KCNIP3: variants seen among roughly 807,000 people sequenced by gnomAD.
KCNIP3 encodes the protein potassium voltage-gated channel interacting protein 3, also known as calsenilin.
KCNIP3 carries 28 observed loss-of-function variants against 35.0 expected under a neutral mutation model. The observed-to-expected ratio is 0.80, with a 90% CI of 0.59 to 1.10. The LOEUF (loss-of-function observed/expected upper bound fraction) is 1.10, where lower values mean the gene tolerates loss of function less well. Among genes scored for constraint, KCNIP3 ranks in the 50% least tolerant of loss-of-function variants. KCNIP3 has a pLI of 0.00. For synonymous variants in KCNIP3, 134 were observed against 133.8 expected, an observed-to-expected ratio of 1.00 and a Z score of -0.01; for missense variants, 295 against 338.4, an observed-to-expected ratio of 0.87 and a Z score of 1.01.
intron 2 of KCNIP3, among the ~76,000 whole-genome samples, chr2:95,350,212 C>T (rs541275844): frequency 6.6e-6 from 1 of 152,224 alleles, no homozygotes; most frequent in South Asian, 2.1e-4. Context: ...CCTCCTTGTC[C>T]CTCTGTGTCT....
intron 1 of KCNIP3, among the ~76,000 whole-genome samples, chr2:95,307,382 C>G (rs1418998518): frequency 6.6e-6 from 1 of 152,234 alleles, no homozygotes; most frequent in Non-Finnish European, 1.5e-5. Context: ...GCAGCAAAGC[C>G]TGTGGTCAAG....
intron 2 of KCNIP3, chr2:95,346,954 C>A: frequency 1.7e-6 from 2 of 1,180,472 alleles, no homozygotes; most frequent in Non-Finnish European, 2.3e-6. Context: ...GGCCCCGGTG[C>A]CTCCGAGGCA....
intron 2 of KCNIP3, among the ~76,000 whole-genome samples, chr2:95,326,648 C>G (rs1437505562): frequency 6.6e-6 from 1 of 152,246 alleles, no homozygotes; most frequent in African/African-American, 2.4e-5. Flanking sequence ...CCTTGTTCCC[C>G]GGTCTCCCCA....
rs1680205187 is a variant in KCNIP3, at chr2:95,376,695, G to T, written c.447+1487G>T. On this transcript the variant is annotated intron_variant, in intron 5 of 8. Coordinates refer to ENST00000295225, the MANE Select transcript of KCNIP3 (RefSeq NM_013434.5). The surrounding 1 kb of genome is among the most constrained non-coding windows in gnomAD (Gnocchi z 4.2). ...AGTGTTCTGCTCTGGGAAGGAGGAG[G>T]GCACAAGCCCCCATGGCCCCATCCT... 6.6e-6 allele frequency among the ~76,000 whole-genome samples: 1 copy of T among 152,204 alleles called. No homozygotes were observed. The highest frequency in any genetic ancestry group is 2.4e-5 in the African/African-American group (1 of 41,450).
intron 2 of KCNIP3, among the ~76,000 whole-genome samples, chr2:95,366,850 GT>G (rs1327906239): frequency 1.3e-5 from 2 of 152,112 alleles, no homozygotes; most frequent in Non-Finnish European, 2.9e-5. Flanking sequence ...GTTTGATTAG[GT>G]TTTTTGACAT....
intron 3 of KCNIP3, among the ~76,000 whole-genome samples, 160 bp from the exon 4 acceptor site, chr2:95,374,688 C>A (rs1680129212): frequency 6.6e-6 from 1 of 152,194 alleles, no homozygotes; most frequent in African/African-American, 2.4e-5. Flanking sequence ...CTCACCCCAC[C>A]TCTACCCAGG....
At chr2:95,313,453 C>G (rs1343671669) in intron 2 of KCNIP3, 2 of 152,482 alleles carry the variant, frequency 1.3e-5, no homozygotes, top group Non-Finnish European at 2.9e-5. Context: ...CAGCCTGGCC[C>G]CACCCTACCC....
intron 2 of KCNIP3, among the ~76,000 whole-genome samples, chr2:95,362,765 C>T (rs1287079396): frequency 6.6e-6 from 1 of 152,154 alleles, no homozygotes; most frequent in Admixed American, 6.5e-5. Flanking sequence ...TGCTGTGCAG[C>T]CCAGTTCCTA....
chr2:95,323,137 C>T (rs3772035), intron 2 of KCNIP3, among the ~76,000 whole-genome samples: 1 of 152,192 alleles, frequency 6.6e-6, no homozygotes, highest in East Asian at 1.9e-4. Context: ...AGCGGAAGGA[C>T]GTGATGACTG....
At chr2:95,306,361 G>T (rs1678165918) in intron 1 of KCNIP3, among the ~76,000 whole-genome samples, 1 of 152,216 alleles carries the variant, frequency 6.6e-6, no homozygotes, top group Admixed American at 6.5e-5. Flanking sequence ...GTTGAGTTTT[G>T]GGAGTGAGGA....
chr2:95,297,427 T>C lies in KCNIP3; in HGVS notation c.-12T>C. On this transcript the variant is annotated 5_prime_UTR_variant, in exon 1 of 9. Transcript: ENST00000295225. ...GTGGGGAGGCTGGCAACAGTTTTCTTCAGCGCCCAGGATGCAGCCGGCTAA... is the reference window on the plus strand; with the variant it reads ...GTGGGGAGGCTGGCAACAGTTTTCTCCAGCGCCCAGGATGCAGCCGGCTAA... 1 of 1,397,854 alleles carries C rather than the reference T, an allele frequency of 7.2e-7. No individual in the cohort carries two copies. Among genetic ancestry groups the C allele is most frequent in the Non-Finnish European group, 9.5e-7 (1 of 1,051,844 alleles). 86.6% of individuals were successfully genotyped at this position (1,397,854 alleles called of 1,614,324 possible). A position where few individuals can be genotyped will look rare whatever the true frequency, so the allele number is the denominator to read the frequency against.
chr2:95,315,478 C>A (rs756802147), intron 2 of KCNIP3, among the ~76,000 whole-genome samples: 2 of 152,164 alleles, frequency 1.3e-5, no homozygotes, highest in African/African-American at 4.8e-5. Flanking sequence ...TCCCACACTC[C>A]GGGTGGTTCC....
chr2:95,374,358 C>A lies in KCNIP3; in HGVS notation c.244C>A (p.Leu82Met). ...VRHQPEGLDQ[L>M]QAQTKFTKKE... ...CCACCAGCCAGAGGGGCTGGACCAG[C>A]TGCAGGCCCAGACCAAGTTCACCAA... The change falls in exon 3 of 9, where the codon CTG (leucine) becomes ATG (methionine). Residue 82 changes from leucine (L) to methionine (M), a missense_variant. Leu to Met is a conservative substitution (Grantham distance 15). Transcript: ENST00000295225. The A allele has an allele frequency of 6.2e-7, 1 of 1,614,200 alleles. No homozygotes were observed. The highest frequency in any genetic ancestry group is 8.5e-7 in the Non-Finnish European group (1 of 1,180,000).
At chr2:95,371,866 G>A (rs556878255) in intron 2 of KCNIP3, among the ~76,000 whole-genome samples, 74 of 148,848 alleles carry the variant, frequency 5.0e-4, no homozygotes, top group Admixed American at 5.4e-4. Context: ...GTGTAATGGC[G>A]CGATCTTGGC....
intron 2 of KCNIP3, among the ~76,000 whole-genome samples, chr2:95,316,779 G>A (rs918781267): frequency 1.4e-4 from 21 of 152,198 alleles, no homozygotes; most frequent in Non-Finnish European, 1.5e-5. Flanking sequence ...ATCTCCAACA[G>A]CATCTGAACC....
intron 5 of KCNIP3, among the ~76,000 whole-genome samples, chr2:95,381,380 C>T (rs1235289456): frequency 6.6e-6 from 1 of 152,202 alleles, no homozygotes; most frequent in East Asian, 1.9e-4. Flanking sequence ...CAGGTGCACA[C>T]CCTCACACAA....
In KCNIP3 at chr2:95,385,870, C is replaced by T. The variant is rs2104314346; in HGVS notation, c.*1821C>T. On this transcript the variant is annotated 3_prime_UTR_variant, in exon 9 of 9. Coordinates refer to ENST00000295225, the MANE Select transcript of KCNIP3 (RefSeq NM_013434.5). ...CAAGGCCTCAGGAGAGCATCACCAC[C>T]ACACCCCTGCCGGCCTTGGCCTTGG... is the stretch of plus-strand genomic sequence containing the variant. 6.5e-6 allele frequency: 1 copy of T among 152,734 alleles called. No homozygotes were observed. The highest frequency in any genetic ancestry group is 6.5e-5 in the Admixed American group (1 of 15,310). The allele number at this position is 152,734 out of a possible 1,614,324, so 9.5% of individuals were successfully genotyped here. A position where few individuals can be genotyped will look rare whatever the true frequency, so the allele number is the denominator to read the frequency against.
chr2:95,326,552 C>G (rs1172772180), intron 2 of KCNIP3, among the ~76,000 whole-genome samples: 1 of 152,228 alleles, frequency 6.6e-6, no homozygotes, highest in Non-Finnish European at 1.5e-5. Flanking sequence ...AATGGGAAGC[C>G]CTACAGGACA....
intron 1 of KCNIP3, among the ~76,000 whole-genome samples, chr2:95,302,178 C>A (rs1196473141): frequency 1.3e-5 from 2 of 151,450 alleles, no homozygotes; most frequent in South Asian, 2.1e-4. Context: ...CCGCAGCAGC[C>A]GTGGACAGGG....
Sources: gnomAD v4.1 joint callset for allele counts (sites outside exome capture counted in the v4.1 genomes callset) on GRCh38, gnomAD v4.1.1 for gene constraint, Gnocchi (gnomAD v3.1) non-coding constraint, MANE v1.5 for transcripts, NCBI Gene and HGNC (gene_info 2026-07-23, HGNC 2026-07-21) for gene names.